Variants in SHOX observed in about 807,000 individuals in gnomAD.
The protein encoded by SHOX is SHOX homeobox.
SHOX carries 12 observed loss-of-function variants against 29.6 expected under a neutral mutation model. The ratio of observed to expected loss-of-function variants is 0.41; its 90% confidence interval spans 0.26 to 0.66. The LOEUF (loss-of-function observed/expected upper bound fraction) is 0.66. Among genes scored for constraint, SHOX ranks in the 30% least tolerant of loss-of-function variants. The probability of loss-of-function intolerance (pLI) is 0.35; values close to 1 mark genes in which losing one functional copy is unlikely to be tolerated. For synonymous variants in SHOX, 214 were observed against 200.6 expected (o/e 1.07, Z -0.57); for missense variants, 499 against 437.7 (o/e 1.14, Z -1.25).
In SHOX at chrX:638,402, G is replaced by A. The variant is rs757819363; in HGVS notation, c.487-2419G>A. The stretch of plus-strand genomic sequence containing the variant: ...GGGCCCTGGAGGAGACAGGCGGAGA[G>A]TCCAGGTGGGCATGGAGAGGCACAG... On this transcript the variant is annotated intron_variant, in intron 2 of 4. Coordinates refer to ENST00000686671, the MANE Select transcript of SHOX (RefSeq NM_000451.4). Among the ~76,000 whole-genome samples, 4 of 152,256 alleles carry A rather than the reference G, an allele frequency of 2.6e-5. No individual in the cohort carries two copies. In the South Asian group the frequency reaches 8.3e-4, roughly 32 times the overall value.
chrX:631,019 G>C lies in SHOX; in HGVS notation c.122G>C (p.Ser41Thr). The C allele has an allele frequency of 6.2e-7, 1 of 1,613,900 alleles. No individual in the cohort carries two copies. Among genetic ancestry groups the C allele is most frequent in the Non-Finnish European group, 8.5e-7 (1 of 1,179,866 alleles). ...DSITYREVLE[S>T]GLARSRELGT... is the part of the protein sequence containing the mutation. Reference sequence around the variant, plus strand: ...ATTACGTACCGGGAAGTTTTGGAGAGCGGACTGGCGCGCTCCCGGGAGCTG... The same window carrying C: ...ATTACGTACCGGGAAGTTTTGGAGACCGGACTGGCGCGCTCCCGGGAGCTG... Residue 41 changes from serine to threonine, a missense_variant, in exon 1 of 5, where the codon AGC becomes ACC. Physicochemically the swap from Ser to Thr is moderately conservative, Grantham distance 58 (BLOSUM62 1). Coordinates refer to ENST00000686671, the MANE Select transcript of SHOX (RefSeq NM_000451.4).
At chrX:632,493 A>T (rs2052668436) in intron 1 of SHOX, among the ~76,000 whole-genome samples, 1 of 152,124 alleles carries the variant, frequency 6.6e-6, no homozygotes, top group African/African-American at 2.4e-5. Context: ...GCTGATTCGC[A>T]GAGTTGAGGT....
chrX:639,331 C>A (rs974421154), intron 2 of SHOX, among the ~76,000 whole-genome samples: 74 of 152,274 alleles, frequency 4.9e-4, no homozygotes, highest in Non-Finnish European at 7.9e-4. Flanking sequence ...TGTATGGGGA[C>A]CCTTGGTAAT....
At position 638,198 on chromosome X, in the gene SHOX, C is replaced by T. The variant is rs1603286663; in HGVS notation, c.487-2623C>T. 4.6e-5 allele frequency among the ~76,000 whole-genome samples: 7 copies of T among 152,238 alleles called. 1 individual carries two copies. The South Asian group carries it at 1.5e-3, about 32-fold the overall frequency. ...AATTGGAATGGATCGTGAATCACTCCAAGACTGATTTATTAGCGCTTCACG... is the reference window on the plus strand; with the variant it reads ...AATTGGAATGGATCGTGAATCACTCTAAGACTGATTTATTAGCGCTTCACG... On this transcript the variant is annotated intron_variant, in intron 2 of 4. Transcript: ENST00000686671.
intron 4 of SHOX, 149 bp downstream of exon 4, chrX:641,236 G>T: frequency 1.2e-6 from 1 of 830,938 alleles, no homozygotes. Context: ...CCTCTTTTCC[G>T]AGGAGGCATT....
At chrX:634,569 G>C in intron 1 of SHOX, 49 bp from the exon 2 acceptor site, 1 of 1,600,576 alleles carries the variant, frequency 6.2e-7, no homozygotes, top group Non-Finnish European at 8.5e-7. Context: ...TCGCCACGTT[G>C]CGCAAAACCT....
chrX:652,709 T>C (rs1289946930), downstream of SHOX, among the ~76,000 whole-genome samples: 3 of 152,210 alleles, frequency 2.0e-5, no homozygotes, highest in Admixed American at 2.0e-4. Flanking sequence ...GTCCAGGCCA[T>C]TCTGCAAAGT....
rs771426787 is a variant in SHOX, at chrX:644,357, C to T, written c.634-34C>T. 4.0e-6 allele frequency: 6 copies of T among 1,512,270 alleles called. No individual in the cohort carries two copies. In the East Asian group the frequency reaches 1.6e-4, roughly 40 times the overall value. The allele number at this position is 1,512,270 out of a possible 1,614,324, so 93.7% of individuals were successfully genotyped here. On this transcript the variant is annotated intron_variant, in intron 4 of 4. Coordinates refer to ENST00000686671, the MANE Select transcript of SHOX (RefSeq NM_000451.4). The stretch of plus-strand genomic sequence containing the variant: ...CGGAGCAGGCCCCCCAGTCCCCATC[C>T]TGCGCCCTCACCCCGCCGGGTCCGC...
Position 649,420 on chromosome X carries a change from C to T in SHOX, c.*4784C>T, listed in dbSNP as rs547948586. On this transcript the variant is annotated 3_prime_UTR_variant, in exon 5 of 5. Coordinates refer to ENST00000686671, the MANE Select transcript of SHOX (RefSeq NM_000451.4). ...TGTGATGTGCGTGGGTTTGGTTTCC[C>T]GGAAGGCCCTCCAGAGACACGTTTG... is the stretch of plus-strand genomic sequence containing the variant. Among the ~76,000 whole-genome samples, 9 of 152,230 alleles carry T rather than the reference C, an allele frequency of 5.9e-5. No individual in the cohort carries two copies. Among genetic ancestry groups the T allele is most frequent in the South Asian group, 2.1e-4 (1 of 4,810 alleles).
chrX:625,870 GTCTCTCTT>G (rs1261862125), upstream of SHOX, among the ~76,000 whole-genome samples: 8 of 109,988 alleles, frequency 7.3e-5, 1 homozygote, highest in South Asian at 2.3e-3. Context: ...GTCTATCTCT[GTCTCTCTT>G]TCTCTCTCTC....
At chrX:634,877 CG>C (rs1569493736) in intron 2 of SHOX, 51 bp downstream of exon 2, 1 of 1,528,816 alleles carries the variant, frequency 6.5e-7, no homozygotes, top group Non-Finnish European at 8.8e-7. Flanking sequence ...GCCTGGTCCT[CG>C]GGAGCGCACA....
In SHOX at chrX:631,164, A is replaced by G; in HGVS notation, c.267A>G (p.Arg89=). 6.2e-7 allele frequency: 1 copy of G among 1,612,728 alleles called. No individual in the cohort carries two copies. Among genetic ancestry groups the G allele is most frequent in the Non-Finnish European group, 8.5e-7 (1 of 1,179,722 alleles). The change falls in exon 1 of 5, where the codon AGA becomes AGG. Residue 89 remains arginine (R), a synonymous_variant. Transcript: ENST00000686671. ...AACTGAAAGAATTCGGCACCGCGAG[A>G]GTGGCAGAAGGTAAGTTCCTTTGCG... The part of the protein sequence containing the change: ...KEKLKEFGTA[R]VAEGIYECKE...
At chrX:624,881 T>TCTTTCTTTCTTTCTTTCTTC (rs2052482794) in intron 1 of SHOX, among the ~76,000 whole-genome samples, 1 of 79,006 alleles carries the variant, frequency 1.3e-5, no homozygotes, top group Non-Finnish European at 2.4e-5. Context: ...TTTCTTTCTT[T>TCTTTCTTTCTTTCTTTCTTC]CTTTCTTTCT....
At chrX:640,959 C>T (rs759404324) in intron 3 of SHOX, 40 bp from the exon 4 acceptor site, 17 of 1,613,250 alleles carry the variant, frequency 1.1e-5, no homozygotes, top group South Asian at 9.9e-5. Context: ...CTGGCTACAC[C>T]CAGGACCACC....
chrX:642,609 C>T (rs1444351582), intron 4 of SHOX, among the ~76,000 whole-genome samples: 1 of 152,202 alleles, frequency 6.6e-6, no homozygotes, highest in Non-Finnish European at 1.5e-5. Flanking sequence ...AACGAGCCTA[C>T]TTCTTGTACC....
chrX:624,905 TCTTC>T (rs2052486036), intron 1 of SHOX, among the ~76,000 whole-genome samples: 1 of 45,168 alleles, frequency 2.2e-5, no homozygotes, highest in African/African-American at 1.1e-4. Context: ...TTTCTTTCTC[TCTTC>T]CTTTCTTTCT....
chrX:641,359 C>G (rs2052850520), intron 4 of SHOX, among the ~76,000 whole-genome samples: 1 of 152,072 alleles, frequency 6.6e-6, no homozygotes, highest in African/African-American at 2.4e-5. Context: ...ATCAGGAGTT[C>G]AAGACCAGCC....
rs781601972 is a variant in SHOX, at chrX:651,394, AAAAC to A, written c.*6772_*6775del. On this transcript the variant is annotated 3_prime_UTR_variant, in exon 5 of 5. Coordinates refer to ENST00000686671, the MANE Select transcript of SHOX (RefSeq NM_000451.4). ...TCGGCAGGCGGTGAGGGGTAGAAAA[AAAAC>A]AAACAAACAAACAGAAAAAAAAACC... is the stretch of plus-strand genomic sequence containing the variant. 2.5e-5 allele frequency: 11 copies of A among 446,020 alleles called. No homozygotes were observed. The highest frequency in any genetic ancestry group is 1.3e-4 in the South Asian group (8 of 63,904). The allele number at this position is 446,020 out of a possible 1,614,324, so 27.6% of individuals were successfully genotyped here.
chrX:635,663 G>C (rs1300835904), intron 2 of SHOX, among the ~76,000 whole-genome samples: 1 of 152,202 alleles, frequency 6.6e-6, no homozygotes, highest in Non-Finnish European at 1.5e-5. Context: ...TTGGGTGTGC[G>C]CAGAGGGACG....
Sources: gnomAD v4.1 joint callset for allele counts (sites outside exome capture counted in the v4.1 genomes callset) on GRCh38, gnomAD v4.1.1 for gene constraint, MANE v1.5 for transcripts, NCBI Gene and HGNC (gene_info 2026-07-23, HGNC 2026-07-21) for gene names.